The following MAD1L1 variants were observed in gnomAD, a reference collection of about 807,000 sequenced individuals.
MAD1L1 encodes the protein mitotic spindle assembly checkpoint protein MAD1.
A neutral mutation model predicts 96.9 loss-of-function variants in MAD1L1; 95 were observed. The observed-to-expected ratio is 0.98, with a 90% CI of 0.83 to 1.16. The LOEUF (loss-of-function observed/expected upper bound fraction) is 1.16, where lower values mean the gene tolerates loss of function less well. MAD1L1 is among the 50% of genes most tolerant of loss of function. The probability of loss-of-function intolerance (pLI) is 0.00; values close to 1 mark genes in which losing one functional copy is unlikely to be tolerated. For synonymous variants in MAD1L1, 473 were observed against 396.6 expected, an observed-to-expected ratio of 1.19 and a Z score of -2.29; for missense variants, 1,007 against 954.4, an observed-to-expected ratio of 1.06 and a Z score of -0.73.
chr7:1,895,472 G>A (rs116683316), intron 18 of MAD1L1, among the ~76,000 whole-genome samples: 13 of 152,262 alleles, frequency 8.5e-5, no homozygotes, highest in African/African-American at 2.6e-4. Context: ...TCTCAGCCCC[G>A]CCTGCAAACA....
intron 18 of MAD1L1, among the ~76,000 whole-genome samples, chr7:1,834,118 G>A (rs970142875): frequency 6.6e-6 from 1 of 152,198 alleles, no homozygotes; most frequent in African/African-American, 2.4e-5. Context: ...GGTTAGTTAA[G>A]TCATTTGAAC....
At chr7:2,207,934 T>G (rs187246593) in intron 10 of MAD1L1, among the ~76,000 whole-genome samples, 9 of 152,258 alleles carry the variant, frequency 5.9e-5, no homozygotes, top group African/African-American at 2.2e-4. Context: ...GTGGAGAGTG[T>G]GCAGATGAGG....
chr7:1,919,541 T>G (rs1215629978), intron 17 of MAD1L1, among the ~76,000 whole-genome samples: 1 of 152,254 alleles, frequency 6.6e-6, no homozygotes, highest in African/African-American at 2.4e-5. Context: ...CCCACCAGCC[T>G]GGCTCAGCTT....
chr7:1,939,159 A>C (rs1778809729), intron 16 of MAD1L1, among the ~76,000 whole-genome samples: 1 of 137,302 alleles, frequency 7.3e-6, no homozygotes, highest in South Asian at 2.6e-4. Flanking sequence ...AGAGGCGCAC[A>C]CACACATACG....
At chr7:1,828,460 G>A (rs1217411937) in intron 18 of MAD1L1, among the ~76,000 whole-genome samples, 1 of 152,168 alleles carries the variant, frequency 6.6e-6, no homozygotes, top group South Asian at 2.1e-4. Context: ...AATGGCACCC[G>A]AAGCTCACAC....
intron 5 of MAD1L1, 109 bp downstream of exon 5, chr7:2,222,466 G>T (rs538681006): frequency 2.4e-5 from 22 of 913,350 alleles, no homozygotes; most frequent in Non-Finnish European, 3.5e-5. Flanking sequence ...GCAGCTGCCC[G>T]TGTGGGAAGC....
At chr7:1,896,656 G>T (rs1292302544) in intron 18 of MAD1L1, among the ~76,000 whole-genome samples, 3 of 152,342 alleles carry the variant, frequency 2.0e-5, no homozygotes, top group African/African-American at 4.8e-5. Context: ...GGAAGATGAC[G>T]AGTGGCTTGC....
intron 17 of MAD1L1, among the ~76,000 whole-genome samples, chr7:1,915,053 G>A (rs1788286693): frequency 6.6e-6 from 1 of 152,156 alleles, no homozygotes; most frequent in Admixed American, 6.5e-5. Context: ...GCAGGAACTG[G>A]GGTCTCACTG....
At chr7:2,141,019 A>G (rs926729370) in intron 11 of MAD1L1, among the ~76,000 whole-genome samples, 12 of 152,252 alleles carry the variant, frequency 7.9e-5, no homozygotes, top group African/African-American at 2.9e-4. Flanking sequence ...ACGGCAGCTC[A>G]TCTTGCTGAA....
intron 10 of MAD1L1, among the ~76,000 whole-genome samples, chr7:2,190,105 G>C (rs560537535): frequency 1.3e-5 from 2 of 152,270 alleles, no homozygotes; most frequent in South Asian, 2.1e-4. Flanking sequence ...AAATAGCCAA[G>C]ACAATTCTTA....
chr7:2,009,181 CGAGGTGCTGCACA>C (rs1450248923), intron 13 of MAD1L1, among the ~76,000 whole-genome samples: 1 of 152,194 alleles, frequency 6.6e-6, no homozygotes, highest in African/African-American at 2.4e-5. Flanking sequence ...TTGGCACCAC[CGAGGTGCTGCACA>C]GAGGCCTCAG....
chr7:2,111,738 C>T (rs1054426104), intron 11 of MAD1L1, among the ~76,000 whole-genome samples: 4 of 152,178 alleles, frequency 2.6e-5, no homozygotes, highest in Admixed American at 6.5e-5. Context: ...GGCAGCTAAG[C>T]CCAAAACCCT....
chr7:2,211,943 C>G (rs533235949), intron 10 of MAD1L1, among the ~76,000 whole-genome samples: 20 of 152,344 alleles, frequency 1.3e-4, no homozygotes, highest in African/African-American at 4.6e-4. Flanking sequence ...CAAGCAAACA[C>G]AATAAGAGGC....
At chr7:1,825,772 G>A (rs1295934976) in intron 18 of MAD1L1, among the ~76,000 whole-genome samples, 3 of 152,214 alleles carry the variant, frequency 2.0e-5, no homozygotes, top group Admixed American at 1.3e-4. Context: ...GTCCAGAGGT[G>A]ATAAACCTGG....
chr7:1,873,504 G>A (rs563165551), intron 18 of MAD1L1, among the ~76,000 whole-genome samples: 11 of 152,058 alleles, frequency 7.2e-5, no homozygotes, highest in African/African-American at 1.9e-4. Flanking sequence ...CGGCACGGCC[G>A]GGGCTGGACA....
At position 1,898,224 on chromosome 7, in the gene MAD1L1, G is replaced by C. The variant is rs1470299707; in HGVS notation, c.1974C>G (p.His658Gln). 1 of 1,612,990 alleles carries C rather than the reference G, an allele frequency of 6.2e-7. No homozygotes were observed. Among genetic ancestry groups the C allele is most frequent in the Non-Finnish European group, 8.5e-7 (1 of 1,179,508 alleles). Reference protein sequence around the residue: ...QYRLTSLYAEHPGDCLIFKAT... With the variant: ...QYRLTSLYAEQPGDCLIFKAT... ...CCTTGAAGATGAGGCAGTCGCCTGG[G>C]TGCTCGGCGTACAGCGAGGTCAGCC... The change falls in exon 18 of 19, where the codon CAC (histidine) becomes CAG (glutamine). Residue 658 changes from histidine to glutamine, a missense_variant. His to Gln is a conservative substitution (Grantham distance 24). Transcript: ENST00000265854.
chr7:1,993,526 G>A (rs1401257383), intron 14 of MAD1L1, among the ~76,000 whole-genome samples: 1 of 152,210 alleles, frequency 6.6e-6, no homozygotes, highest in Non-Finnish European at 1.5e-5. Flanking sequence ...TGTGGCACTG[G>A]CCCAGATAGA....
At chr7:2,055,542 C>T (rs1784351233) in intron 12 of MAD1L1, among the ~76,000 whole-genome samples, 1 of 152,000 alleles carries the variant, frequency 6.6e-6, no homozygotes, top group Non-Finnish European at 1.5e-5. Context: ...ACGGTGGTGG[C>T]ACCTGAAGTC....
chr7:1,866,898 G>C (rs535894081), intron 18 of MAD1L1, among the ~76,000 whole-genome samples: 2 of 152,194 alleles, frequency 1.3e-5, no homozygotes, highest in African/African-American at 4.8e-5. Flanking sequence ...TCCTGCAGGC[G>C]TCTCACTGTG....
Sources: allele counts gnomAD v4.1 joint callset (sites outside exome capture counted in the v4.1 genomes callset), GRCh38; gene constraint gnomAD v4.1.1; transcripts MANE v1.5; gene names NCBI Gene and HGNC (gene_info 2026-07-23, HGNC 2026-07-21).